Variants in MAP4 observed in about 807,000 individuals in gnomAD.
MAP4 encodes microtubule-associated protein 4.
In MAP4, 76 loss-of-function variants were observed where a neutral mutation model predicts 170.2. That is an observed-to-expected ratio of 0.45 (90% CI 0.37 to 0.54). MAP4 has a LOEUF of 0.54. Ranked by LOEUF, MAP4 falls within the 20% of genes least tolerant of loss-of-function variation. The pLI is 0.00. For synonymous variants in MAP4, 909 were observed against 994.5 expected (o/e 0.91, Z 1.62); for missense variants, 2,506 against 2,748.0 (o/e 0.91, Z 1.97).
chr3:48,062,925 CAAAA>C (rs199523645), intron 1 of MAP4, among the ~76,000 whole-genome samples: 1 of 116,486 alleles, frequency 8.6e-6, no homozygotes, highest in East Asian at 2.5e-4. Context: ...AACTCTGTCT[CAAAA>C]AAAAAAAAAA....
chr3:47,865,113 C>T (rs2077086700), intron 17 of MAP4, among the ~76,000 whole-genome samples: 1 of 151,996 alleles, frequency 6.6e-6, no homozygotes, highest in Non-Finnish European at 1.5e-5. Flanking sequence ...AATACATTCA[C>T]CCTCAAAACA....
At chr3:47,919,115 T>C (rs1411055311) in intron 5 of MAP4, among the ~76,000 whole-genome samples, 1 of 151,592 alleles carries the variant, frequency 6.6e-6, no homozygotes, top group African/African-American at 2.4e-5. Flanking sequence ...GTATTTTTAG[T>C]AGAGGCGGGG....
chr3:48,030,793 C>A (rs2100115654), intron 1 of MAP4, among the ~76,000 whole-genome samples: 1 of 76,546 alleles, frequency 1.3e-5, no homozygotes, highest in Non-Finnish European at 2.4e-5. Flanking sequence ...AGTAAGACTC[C>A]ATCTCAAAAA....
chr3:47,939,696 C>T (rs1158798285), intron 3 of MAP4, among the ~76,000 whole-genome samples: 2 of 144,274 alleles, frequency 1.4e-5, no homozygotes, highest in African/African-American at 5.4e-5. Flanking sequence ...TGGTAAGAAA[C>T]TGTAAAGAAA....
At chr3:47,973,568 T>C in intron 3 of MAP4, 1 of 984,698 alleles carries the variant, frequency 1.0e-6, no homozygotes, top group Non-Finnish European at 1.2e-6. Context: ...AGGAAACATA[T>C]TTGAAAAAAA....
chr3:47,853,054 G>A (rs774492719), intron 20 of MAP4, 109 bp downstream of exon 20: 6 of 1,614,074 alleles, frequency 3.7e-6, no homozygotes, highest in African/African-American at 2.7e-5. Context: ...AAAATAAAAG[G>A]TTACTTCATT....
Position 47,909,201 on chromosome 3 carries a change from T to A in MAP4, c.5220A>T (p.Lys1740Asn), listed in dbSNP as rs1187859065. The A allele has an allele frequency of 4.3e-6, 7 of 1,613,848 alleles. No homozygotes were observed. The highest frequency in any genetic ancestry group is 5.9e-6 in the Non-Finnish European group (7 of 1,179,890). ...CTTCTCCTGGTGTCTTTGATTCAGA[T>A]TTTTCTGTCATTTTCTGAGGTGTCT... ...ILETPQKMTEKSESKTPGEGK... is the reference protein window; with the variant it reads ...ILETPQKMTENSESKTPGEGK... The change falls in exon 9 of 21, where the codon AAA becomes AAT. Residue 1740 changes from lysine to asparagine, a missense_variant. Physicochemically the swap from Lys to Asn is moderately conservative, Grantham distance 94. Coordinates refer to ENST00000683076, the MANE Select transcript of MAP4 (RefSeq NM_001385682.1).
Position 47,918,793 on chromosome 3 carries a change from T to A in MAP4, c.578A>T (p.Glu193Val), listed in dbSNP as rs760344122. 2.1e-5 allele frequency: 34 copies of A among 1,613,134 alleles called. No individual in the cohort carries two copies. Among genetic ancestry groups the A allele is most frequent in the Non-Finnish European group, 2.8e-5 (33 of 1,179,088 alleles). The change falls in exon 6 of 21, where the codon GAA becomes GTA. Residue 193 changes from glutamate to valine, a missense_variant. Transcript: ENST00000683076. ...CTCTGAGTGTGGAGAGTTTAAGGCT[T>A]CCACAGACCACCCCTGAGGTACAAC... Reference protein sequence around the residue: ...TAVVPQGWSVEALNSPHSESF... With the variant: ...TAVVPQGWSVVALNSPHSESF...
chr3:47,872,561 A>G (rs2093751374), intron 12 of MAP4, among the ~76,000 whole-genome samples: 1 of 152,212 alleles, frequency 6.6e-6, no homozygotes, highest in South Asian at 2.1e-4. Flanking sequence ...GAAAATACAT[A>G]TGGTTCTAAG....
At chr3:48,039,798 TAAAC>T (rs971120690) in intron 1 of MAP4, among the ~76,000 whole-genome samples, 2 of 152,228 alleles carry the variant, frequency 1.3e-5, no homozygotes, top group African/African-American at 2.4e-5. Flanking sequence ...AGTTAAAGGT[TAAAC>T]AAAGTATCTG....
intron 1 of MAP4, among the ~76,000 whole-genome samples, chr3:48,076,650 G>T (rs1308017377): frequency 6.6e-6 from 1 of 152,036 alleles, no homozygotes; most frequent in Non-Finnish European, 1.5e-5. Context: ...CTGCACTCCA[G>T]CCTGGACAAA....
chr3:47,910,719 CCT>C lies in MAP4; in HGVS notation c.3700_3701del (p.Arg1234GlufsTer6). The C allele has an allele frequency of 6.5e-7, 1 of 1,536,092 alleles. No individual in the cohort carries two copies. The highest frequency in any genetic ancestry group is 8.7e-7 in the Non-Finnish European group (1 of 1,146,896). On this transcript the variant is annotated frameshift_variant, in exon 9 of 21. Transcript: ENST00000683076. LOFTEE classifies it high-confidence loss of function. ...AAGGTGGGTTAAGGATTTCTTCCTT[CCT>C]CTCCATTCTAGCAGGCTGTGTGGAA... ...NYSTQPARME[R>X]KEEILNPPFE...
chr3:47,945,489 C>T (rs910745327), intron 3 of MAP4, among the ~76,000 whole-genome samples: 5 of 151,940 alleles, frequency 3.3e-5, no homozygotes, highest in African/African-American at 1.2e-4. Flanking sequence ...ATTCCCAGCA[C>T]CATGTATCTG....
At chr3:48,077,785 A>C (rs913404948) in intron 1 of MAP4, among the ~76,000 whole-genome samples, 1 of 152,224 alleles carries the variant, frequency 6.6e-6, no homozygotes, top group Non-Finnish European at 1.5e-5. Context: ...ATGCAACCCA[A>C]ATGTTCATCA....
Position 47,852,914 on chromosome 3 carries a change from G to A in MAP4, c.*20C>T, listed in dbSNP as rs770436168. The stretch of plus-strand genomic sequence containing the variant: ...TCGGTGCGGGCCCTGGCATTTGCCC[G>A]GAACGTCAGCCTGTAGGTCTCAATC... On this transcript the variant is annotated 3_prime_UTR_variant, in exon 21 of 21. Transcript: ENST00000683076. The A allele has an allele frequency of 2.5e-4, 405 of 1,609,588 alleles. No individual in the cohort carries two copies. Among genetic ancestry groups the A allele is most frequent in the Non-Finnish European group, 3.4e-4 (397 of 1,177,526 alleles).
At chr3:47,922,863 TA>T (rs1488838761) in intron 4 of MAP4, among the ~76,000 whole-genome samples, 1 of 152,022 alleles carries the variant, frequency 6.6e-6, no homozygotes, top group Non-Finnish European at 1.5e-5. Context: ...TCCTGGCTAA[TA>T]GAGTGAAACC....
intron 1 of MAP4, among the ~76,000 whole-genome samples, chr3:48,061,385 G>A (rs1184495670): frequency 1.3e-5 from 2 of 152,142 alleles, no homozygotes; most frequent in Non-Finnish European, 2.9e-5. Flanking sequence ...GGTGGAGACG[G>A]GGTTTCGCCT....
chr3:47,929,513 A>AT (rs1222189615), intron 3 of MAP4, among the ~76,000 whole-genome samples: 2 of 151,622 alleles, frequency 1.3e-5, no homozygotes, highest in East Asian at 1.9e-4. Context: ...CCAGAAACAA[A>AT]TTTTTTTTCA....
intron 1 of MAP4, among the ~76,000 whole-genome samples, chr3:48,025,942 T>C (rs1000126002): frequency 9.7e-5 from 14 of 144,468 alleles, no homozygotes; most frequent in African/African-American, 3.3e-4. Flanking sequence ...ATAATAACAA[T>C]AATAATAATA....
Sources: allele counts gnomAD v4.1 joint callset (sites outside exome capture counted in the v4.1 genomes callset), GRCh38; gene constraint gnomAD v4.1.1; transcripts MANE v1.5; gene names NCBI Gene and HGNC (gene_info 2026-07-23, HGNC 2026-07-21).